SLC6A2: variants seen among roughly 807,000 people sequenced by gnomAD.
SLC6A2 encodes the protein solute carrier family 6 member 2, also known as sodium-dependent noradrenaline transporter.
SLC6A2 carries 26 observed loss-of-function variants against 71.7 expected under a neutral mutation model. The observed-to-expected ratio is 0.36, with a 90% CI of 0.27 to 0.50. The LOEUF is 0.50. Ranked by LOEUF, SLC6A2 falls within the 20% of genes least tolerant of loss-of-function variation. The pLI, the probability that SLC6A2 is intolerant of heterozygous loss-of-function variation, is 0.96. For synonymous variants in SLC6A2, 363 were observed against 337.9 expected (o/e 1.07, Z -0.82); for missense variants, 581 against 803.9 (o/e 0.72, Z 3.35).
intron 2 of SLC6A2, among the ~76,000 whole-genome samples, chr16:55,659,790 A>T (rs1427093504): frequency 6.6e-6 from 1 of 152,104 alleles, no homozygotes. Context: ...GGGGCAGCCT[A>T]TTCATTAGTG....
intron 9 of SLC6A2, among the ~76,000 whole-genome samples, chr16:55,697,147 G>T (rs1965824793): frequency 6.6e-6 from 1 of 152,142 alleles, no homozygotes; most frequent in African/African-American, 2.4e-5. Context: ...AAATCTTATG[G>T]AAGGGCTGGC....
In SLC6A2 at chr16:55,703,844, G is replaced by A. The variant is rs938897363; in HGVS notation, c.*1498G>A. On this transcript the variant is annotated 3_prime_UTR_variant, in exon 15 of 15. Transcript: ENST00000568943. Reference sequence around the variant, plus strand: ...TTGAGCCTGGTGGTTCCTGCATGAAGAGGATTATGAGGGGACCAGGGTGGG... The same window carrying A: ...TTGAGCCTGGTGGTTCCTGCATGAAAAGGATTATGAGGGGACCAGGGTGGG... 2 of 980,618 alleles carry A rather than the reference G, an allele frequency of 2.0e-6. No homozygotes were observed. Among genetic ancestry groups the A allele is most frequent in the Admixed American group, 6.2e-5 (1 of 16,254 alleles). The allele number at this position is 980,618 out of a possible 1,614,324, so 60.7% of individuals were successfully genotyped here.
chr16:55,690,019 C>T (rs1223312687), intron 5 of SLC6A2, among the ~76,000 whole-genome samples: 1 of 152,170 alleles, frequency 6.6e-6, no homozygotes, highest in Non-Finnish European at 1.5e-5. Flanking sequence ...CTTAGTCGTC[C>T]ACTAACTTTC....
At chr16:55,666,705 G>A (rs528816413) in intron 2 of SLC6A2, among the ~76,000 whole-genome samples, 1 of 152,300 alleles carries the variant, frequency 6.6e-6, no homozygotes, top group South Asian at 2.1e-4. Context: ...AGCCAGCAGA[G>A]GAAGAATAAC....
At chr16:55,690,889 C>T (rs866064492) in intron 5 of SLC6A2, among the ~76,000 whole-genome samples, 109 of 152,128 alleles carry the variant, frequency 7.2e-4, no homozygotes, top group African/African-American at 2.4e-3. Flanking sequence ...CTGTCTCTAC[C>T]TTTCTTTTCT....
chr16:55,689,973 C>T (rs1181297562), intron 5 of SLC6A2, among the ~76,000 whole-genome samples: 2 of 152,216 alleles, frequency 1.3e-5, no homozygotes, highest in Non-Finnish European at 1.5e-5. Flanking sequence ...GACCCAGTTA[C>T]TCATTCATTC....
chr16:55,696,074 T>C (rs1038432303), intron 8 of SLC6A2, 151 bp from the exon 9 acceptor site: 1 of 700,516 alleles, frequency 1.4e-6, no homozygotes, highest in Admixed American at 2.0e-5. Flanking sequence ...AGGTGAGCTG[T>C]AAGTTCATGC....
Position 55,703,412 on chromosome 16 carries a change from C to T in SLC6A2, c.*1066C>T, listed in dbSNP as rs958756112. ...GGGGTCTTGAGAAATGGAGAGTTGG[C>T]TGCAAAAACTCTCATGCACTAGATG... On this transcript the variant is annotated 3_prime_UTR_variant, in exon 15 of 15. Coordinates refer to ENST00000568943, the MANE Select transcript of SLC6A2 (RefSeq NM_001172501.3). The T allele has an allele frequency of 2.0e-6, 2 of 985,314 alleles. No homozygotes were observed. Among genetic ancestry groups the T allele is most frequent in the Non-Finnish European group, 2.4e-6 (2 of 829,954 alleles). The allele number at this position is 985,314 out of a possible 1,614,324, so 61.0% of individuals were successfully genotyped here. A position where few individuals can be genotyped will look rare whatever the true frequency, so the allele number is the denominator to read the frequency against.
chr16:55,697,747 T>C, intron 9 of SLC6A2, 150 bp from the exon 10 acceptor site: 2 of 733,292 alleles, frequency 2.7e-6, no homozygotes, highest in Admixed American at 4.7e-5. Context: ...GACGAGAGGA[T>C]GGGGAAGGCA....
At chr16:55,685,731 A>G (rs1384438108) in intron 5 of SLC6A2, among the ~76,000 whole-genome samples, 1 of 152,206 alleles carries the variant, frequency 6.6e-6, no homozygotes, top group Non-Finnish European at 1.5e-5. Context: ...AGAAAAAAGG[A>G]TGCTCTAGAA....
intron 9 of SLC6A2, among the ~76,000 whole-genome samples, chr16:55,697,158 A>C (rs1026338215): frequency 2.6e-5 from 4 of 152,190 alleles, no homozygotes; most frequent in Non-Finnish European, 4.4e-5. Context: ...AAGGGCTGGC[A>C]CTTGGTTTTC....
intron 5 of SLC6A2, among the ~76,000 whole-genome samples, chr16:55,690,651 C>A (rs1328345454): frequency 1.3e-5 from 2 of 152,178 alleles, no homozygotes; most frequent in East Asian, 3.9e-4. Context: ...CTACCCATGG[C>A]TGCCTCTGCC....
chr16:55,695,146 C>T (rs1468310435), intron 7 of SLC6A2, 132 bp from the exon 8 acceptor site: 2 of 993,496 alleles, frequency 2.0e-6, no homozygotes, highest in Non-Finnish European at 3.2e-6. Flanking sequence ...ATCCATGTGG[C>T]AGCAGGAGCC....
chr16:55,663,362 G>T (rs1022586330), intron 2 of SLC6A2, among the ~76,000 whole-genome samples: 9 of 152,100 alleles, frequency 5.9e-5, no homozygotes, highest in Non-Finnish European at 1.2e-4. Flanking sequence ...CCACTCTCTT[G>T]GTTCCCCTCT....
Position 55,698,322 on chromosome 16 carries a change from AC to A in SLC6A2, c.1390-146del. On this transcript the variant is annotated intron_variant, in intron 10 of 14. Transcript: ENST00000568943. Reference sequence around the variant, plus strand: ...AAACTGAGGTGACTGTAACGTCAATACAACAGCACCACAGCCCTATGCCCTG... The same window carrying A: ...AAACTGAGGTGACTGTAACGTCAATAAACAGCACCACAGCCCTATGCCCTG... The A allele has an allele frequency of 6.8e-6, 5 of 732,868 alleles. 1 individual carries two copies. In the South Asian group the frequency reaches 7.4e-5, roughly 11 times the overall value. 45.4% of individuals were successfully genotyped at this position (732,868 alleles called of 1,614,324 possible).
chr16:55,663,674 G>A (rs1408669449), intron 2 of SLC6A2, among the ~76,000 whole-genome samples: 1 of 152,020 alleles, frequency 6.6e-6, no homozygotes, highest in Non-Finnish European at 1.5e-5. Flanking sequence ...TCTATCTATT[G>A]TTCTATTGTT....
chr16:55,672,492 TAAAG>T lies in SLC6A2; in HGVS notation c.644+320_644+323del, dbSNP rs1435972071. ...ACTTTCTGGGGTATGTAACTGCTCT[TAAAG>T]AACTGAAACCAGGTATGTGGGAAAA... On this transcript the variant is annotated intron_variant, in intron 4 of 14. Coordinates refer to ENST00000568943, the MANE Select transcript of SLC6A2 (RefSeq NM_001172501.3). 4.6e-5 allele frequency among the ~76,000 whole-genome samples: 7 copies of T among 152,290 alleles called. No individual in the cohort carries two copies. The East Asian group carries it at 1.2e-3, about 25-fold the overall frequency.
chr16:55,688,626 A>G (rs1442476239), intron 5 of SLC6A2, among the ~76,000 whole-genome samples: 2 of 152,174 alleles, frequency 1.3e-5, no homozygotes, highest in African/African-American at 4.8e-5. Context: ...TGAAACTCAG[A>G]TTGCTGGGTC....
intron 4 of SLC6A2, among the ~76,000 whole-genome samples, chr16:55,676,368 G>A (rs986927867): frequency 6.6e-6 from 1 of 152,110 alleles, no homozygotes; most frequent in African/African-American, 2.4e-5. Context: ...CACCTAATGA[G>A]GTTTTTGTAA....
Sources: gnomAD v4.1 joint callset for allele counts (sites outside exome capture counted in the v4.1 genomes callset) on GRCh38, gnomAD v4.1.1 for gene constraint, MANE v1.5 for transcripts, NCBI Gene and HGNC (gene_info 2026-07-23, HGNC 2026-07-21) for gene names.